ACTR3C: variants seen among roughly 807,000 people sequenced by gnomAD.
ACTR3C encodes the protein actin-related protein 3C.
Under a neutral mutation model 26.3 loss-of-function variants are expected in ACTR3C, and 18 were observed. The observed-to-expected ratio is 0.68, with a 90% CI of 0.47 to 1.01. The LOEUF (loss-of-function observed/expected upper bound fraction) is 1.01. Among genes scored for constraint, ACTR3C ranks in the 50% least tolerant of loss-of-function variants. The pLI is 0.00. For synonymous variants in ACTR3C, 55 were observed against 94.5 expected (o/e 0.58, Z 2.42); for missense variants, 184 against 250.7 (o/e 0.73, Z 1.80).
At chr7:150,102,416 G>T in the ACTR3C span, among the ~76,000 whole-genome samples, 1 of 151,928 alleles carries the variant, frequency 6.6e-6, no homozygotes, top group East Asian at 1.9e-4. Flanking sequence ...AGCTAGTTCT[G>T]GCACATTTTG....
chr7:150,020,821 A>T, the ACTR3C span, among the ~76,000 whole-genome samples: 4 of 151,764 alleles, frequency 2.6e-5, no homozygotes, highest in African/African-American at 9.7e-5. Flanking sequence ...CTTTTTAAAA[A>T]TTTATTATTT....
chr7:149,990,494 C>T, the ACTR3C span, among the ~76,000 whole-genome samples: 2 of 121,722 alleles, frequency 1.6e-5, no homozygotes, highest in African/African-American at 6.4e-5. Context: ...TGTCTACCAT[C>T]ACATTCTATA....
At chr7:149,940,169 A>G in the ACTR3C span, among the ~76,000 whole-genome samples, 1 of 152,196 alleles carries the variant, frequency 6.6e-6, no homozygotes, top group East Asian at 1.9e-4. Flanking sequence ...ACCTCCATTA[A>G]ATTCAAGGTC....
the ACTR3C span, among the ~76,000 whole-genome samples, chr7:150,070,070 C>T: frequency 1.3e-5 from 2 of 152,186 alleles, no homozygotes; most frequent in East Asian, 3.9e-4. Context: ...AGCAAAGATG[C>T]GCTCACCTCA....
chr7:150,084,172 C>T, the ACTR3C span, among the ~76,000 whole-genome samples: 1 of 152,080 alleles, frequency 6.6e-6, no homozygotes, highest in South Asian at 2.1e-4. Context: ...ATGCCCAGAT[C>T]CTCAAGTCTT....
intron 1 of ACTR3C, among the ~76,000 whole-genome samples, chr7:150,309,263 C>A (rs1465098616): frequency 6.6e-6 from 1 of 152,170 alleles, no homozygotes; most frequent in Non-Finnish European, 1.5e-5. Flanking sequence ...AGATGAAAAC[C>A]CAGCCCAGTT....
chr7:150,198,982 G>T, the ACTR3C span, among the ~76,000 whole-genome samples: 2 of 133,170 alleles, frequency 1.5e-5, no homozygotes, highest in African/African-American at 6.5e-5. Flanking sequence ...AGGGAGGTGG[G>T]GGGGGTCAGC....
At chr7:150,109,033 G>A in the ACTR3C span, among the ~76,000 whole-genome samples, 23,091 of 151,810 alleles carry the variant, frequency 0.15, 2,146 homozygotes, top group African/African-American at 0.23. Context: ...GGTCCCTTAG[G>A]CCCTAAATTA....
chr7:149,919,619 T>C, the ACTR3C span, among the ~76,000 whole-genome samples: 4 of 152,238 alleles, frequency 2.6e-5, no homozygotes, highest in Non-Finnish European at 5.9e-5. Flanking sequence ...CCATAGTTTT[T>C]GTTTAGTACA....
chr7:150,009,441 C>T, the ACTR3C span, among the ~76,000 whole-genome samples: 3 of 152,242 alleles, frequency 2.0e-5, no homozygotes, highest in African/African-American at 7.2e-5. Flanking sequence ...AAGGTGGCCC[C>T]TGTTCTCAGG....
At chr7:149,991,210 G>T in the ACTR3C span, among the ~76,000 whole-genome samples, 3 of 152,142 alleles carry the variant, frequency 2.0e-5, no homozygotes, top group Non-Finnish European at 4.4e-5. Context: ...TCATTCTCAA[G>T]AGAACAACAC....
the ACTR3C span, among the ~76,000 whole-genome samples, chr7:150,038,456 A>G: frequency 2.1e-5 from 3 of 143,174 alleles, 1 homozygote. Flanking sequence ...CCATTTCAAA[A>G]GTTCCGGGTC....
the ACTR3C span, among the ~76,000 whole-genome samples, chr7:149,936,629 G>C: frequency 6.6e-6 from 1 of 152,168 alleles, no homozygotes; most frequent in Non-Finnish European, 1.5e-5. Context: ...GAGGACTGTG[G>C]CTCCATTTAT....
chr7:150,150,528 G>T, the ACTR3C span, among the ~76,000 whole-genome samples: 1 of 142,300 alleles, frequency 7.0e-6, no homozygotes, highest in African/African-American at 2.5e-5. Flanking sequence ...TAGTAAATGG[G>T]TCTCACCTGT....
chr7:150,171,013 A>G, the ACTR3C span, among the ~76,000 whole-genome samples: 2 of 136,414 alleles, frequency 1.5e-5, no homozygotes, highest in Non-Finnish European at 3.0e-5. Flanking sequence ...AGAGAAATGG[A>G]AAAATCTATC....
At chr7:150,029,377 T>C in the ACTR3C span, among the ~76,000 whole-genome samples, 15 of 113,482 alleles carry the variant, frequency 1.3e-4, no homozygotes, top group Non-Finnish European at 2.2e-4. Context: ...CTGGGCAACA[T>C]AGGAAGACTC....
At chr7:150,086,596 G>A in the ACTR3C span, among the ~76,000 whole-genome samples, 1 of 152,252 alleles carries the variant, frequency 6.6e-6, no homozygotes, top group South Asian at 2.1e-4. Context: ...ATTAGGTAGT[G>A]GTTCTAGAAC....
At chr7:150,036,980 C>T in the ACTR3C span, among the ~76,000 whole-genome samples, 1 of 53,946 alleles carries the variant, frequency 1.9e-5, no homozygotes, top group African/African-American at 6.2e-5. Flanking sequence ...GTCCCTGCCT[C>T]GCGGGGGGTG....
At chr7:150,288,889 T>C (rs1835989751) in intron 4 of ACTR3C, among the ~76,000 whole-genome samples, 1 of 151,434 alleles carries the variant, frequency 6.6e-6, no homozygotes, top group Non-Finnish European at 1.5e-5. Flanking sequence ...GTGCTTCCTT[T>C]CCTTCAGCCA....
Sources: gnomAD v4.1 joint callset for allele counts (sites outside exome capture counted in the v4.1 genomes callset) on GRCh38, gnomAD v4.1.1 for gene constraint, MANE v1.5 for transcripts, NCBI Gene and HGNC (gene_info 2026-07-23, HGNC 2026-07-21) for gene names.